The following TPCN1 variants were observed in gnomAD, a reference collection of about 807,000 sequenced individuals.
The protein encoded by TPCN1 is two pore segment channel 1, also known as two pore channel protein 1.
Under a neutral mutation model 108.8 loss-of-function variants are expected in TPCN1, and 52 were observed. The ratio of observed to expected loss-of-function variants is 0.48; its 90% CI spans 0.38 to 0.60. The LOEUF is 0.60. TPCN1 is among the 20% of genes least tolerant of loss of function. The pLI, the probability that TPCN1 is intolerant of heterozygous loss-of-function variation, is 0.00. For synonymous variants in TPCN1, 446 were observed against 433.7 expected, an observed-to-expected ratio of 1.03 and a Z score of -0.35; for missense variants, 806 against 1,072.8, an observed-to-expected ratio of 0.75 and a Z score of 3.47.
chr12:113,226,696 T>G (rs749655059), intron 1 of TPCN1, 32 bp from the exon 2 acceptor site: 2 of 1,450,024 alleles, frequency 1.4e-6, no homozygotes, highest in South Asian at 1.3e-5. Context: ...TTTTAATAAT[T>G]ATCTTTTATT....
chr12:113,233,331 C>T (rs1464310665), intron 2 of TPCN1, among the ~76,000 whole-genome samples: 3 of 152,218 alleles, frequency 2.0e-5, no homozygotes, highest in South Asian at 2.1e-4. Context: ...CCTCTGAGAG[C>T]GCTTCATGAG....
Position 113,272,587 on chromosome 12 carries a change from A to T in TPCN1, c.749-71A>T, listed in dbSNP as rs1955539424. Reference sequence around the variant, plus strand: ...TGCGTTCATTTGCATGTATTTGTCCAGTCCTTTTGACACCAGGTTTTGGGA... The same window carrying T: ...TGCGTTCATTTGCATGTATTTGTCCTGTCCTTTTGACACCAGGTTTTGGGA... On this transcript the variant is annotated intron_variant, in intron 7 of 27. Coordinates refer to ENST00000335509, the MANE Select transcript of TPCN1 (RefSeq NM_017901.6). The surrounding 1 kb of genome is among the most constrained non-coding windows in gnomAD (Gnocchi z 4.1). 2.9e-6 allele frequency: 4 copies of T among 1,397,968 alleles called. No homozygotes were observed. The highest frequency in any genetic ancestry group is 4.1e-6 in the Non-Finnish European group (4 of 983,034). 86.6% of individuals were successfully genotyped at this position (1,397,968 alleles called of 1,614,324 possible). A position where few individuals can be genotyped will look rare whatever the true frequency, so the allele number is the denominator to read the frequency against.
chr12:113,244,017 A>G (rs1336587605), intron 2 of TPCN1, among the ~76,000 whole-genome samples: 2 of 151,948 alleles, frequency 1.3e-5, no homozygotes, highest in Non-Finnish European at 2.9e-5. Flanking sequence ...CATGTCTTTC[A>G]CACTCCATTT....
At position 113,268,279 on chromosome 12, in the gene TPCN1, T is replaced by C. The variant is rs1343277706; in HGVS notation, c.528+323T>C. On this transcript the variant is annotated intron_variant, in intron 5 of 27. Coordinates refer to ENST00000335509, the MANE Select transcript of TPCN1 (RefSeq NM_017901.6). The surrounding 1 kb of genome is among the most constrained non-coding windows in gnomAD (Gnocchi z 7.3). ...CCCAGCTCTGCCCACTGCGCCCGGC[T>C]CACCTGTCCCTAGTGTTGCGCATAT... Among the ~76,000 whole-genome samples the C allele has an allele frequency of 6.6e-6, 1 of 152,196 alleles. No individual in the cohort carries two copies. The highest frequency in any genetic ancestry group is 1.5e-5 in the Non-Finnish European group (1 of 68,034).
intron 10 of TPCN1, among the ~76,000 whole-genome samples, chr12:113,276,418 C>A (rs1164668336): frequency 6.6e-6 from 1 of 152,106 alleles, no homozygotes; most frequent in Non-Finnish European, 1.5e-5. Context: ...TTTCCTGGGC[C>A]ACACGTGAAG....
intron 19 of TPCN1, 122 bp downstream of exon 19, chr12:113,287,216 C>T (rs1002563982): frequency 2.5e-6 from 2 of 790,164 alleles, no homozygotes; most frequent in African/African-American, 1.7e-5. Context: ...TCACAGATGT[C>T]ACCCCCTGGA....
Position 113,265,628 on chromosome 12 carries a change from C to G in TPCN1, c.238-552C>G, listed in dbSNP as rs574316344. The stretch of plus-strand genomic sequence containing the variant: ...GTGGCACGATCTTGGCTCACTGCAG[C>G]TTTGACCTCCCGGGCTCAAGTGATT... On this transcript the variant is annotated intron_variant, in intron 3 of 27. Coordinates refer to ENST00000335509, the MANE Select transcript of TPCN1 (RefSeq NM_017901.6). Among the ~76,000 whole-genome samples the G allele has an allele frequency of 1.2e-3, 178 of 151,144 alleles. 1 individual carries two copies. The highest frequency in any genetic ancestry group is 4.2e-3 in the African/African-American group (173 of 41,132).
chr12:113,260,588 C>T, intron 3 of TPCN1, 96 bp downstream of exon 3: 1 of 1,442,556 alleles, frequency 6.9e-7, no homozygotes, highest in Non-Finnish European at 9.3e-7. Flanking sequence ...TCAGTTCCAG[C>T]ATCAGTTCAT....
rs1426677410 is a variant in TPCN1, at chr12:113,272,370, C to G, written c.749-288C>G. ...TTTGTTTGGTCTGAAAACTTTGAGCCAGCATTTTAAAATTAGATTTTACAC... is the reference window on the plus strand; with the variant it reads ...TTTGTTTGGTCTGAAAACTTTGAGCGAGCATTTTAAAATTAGATTTTACAC... On this transcript the variant is annotated intron_variant, in intron 7 of 27. Transcript: ENST00000335509. The surrounding 1 kb of genome is among the most constrained non-coding windows in gnomAD (Gnocchi z 4.1). 6.6e-6 allele frequency among the ~76,000 whole-genome samples: 1 copy of G among 152,208 alleles called. No individual in the cohort carries two copies. Among genetic ancestry groups the G allele is most frequent in the Non-Finnish European group, 1.5e-5 (1 of 68,042 alleles).
chr12:113,290,509 G>A (rs1956232616), intron 22 of TPCN1, among the ~76,000 whole-genome samples: 1 of 152,160 alleles, frequency 6.6e-6, no homozygotes, highest in Non-Finnish European at 1.5e-5. Context: ...TAGCTGGGCG[G>A]GGTCCCCTCA....
rs928217641 is a variant in TPCN1, at chr12:113,232,923, C to A, written c.112+5959C>A. Among the ~76,000 whole-genome samples the A allele has an allele frequency of 1.3e-5, 2 of 152,180 alleles. No individual in the cohort carries two copies. The highest frequency in any genetic ancestry group is 4.8e-5 in the African/African-American group (2 of 41,440). ...GACGCCTCCGTGTAGCAGCTGGAGACCAAGCAGCAATTAGATTTTCACAGG... is the reference window on the plus strand; with the variant it reads ...GACGCCTCCGTGTAGCAGCTGGAGAACAAGCAGCAATTAGATTTTCACAGG... On this transcript the variant is annotated intron_variant, in intron 2 of 27. Transcript: ENST00000335509. The surrounding 1 kb of genome is among the most constrained non-coding windows in gnomAD (Gnocchi z 5.6).
At chr12:113,280,548 T>C (rs1955852102) in intron 15 of TPCN1, among the ~76,000 whole-genome samples, 2 of 152,206 alleles carry the variant, frequency 1.3e-5, no homozygotes, top group African/African-American at 4.8e-5. Flanking sequence ...TGTATGTTCC[T>C]CTGTTGCCTT....
intron 2 of TPCN1, among the ~76,000 whole-genome samples, chr12:113,237,997 T>A (rs1183994710): frequency 2.0e-5 from 3 of 152,210 alleles, no homozygotes; most frequent in African/African-American, 7.2e-5. Flanking sequence ...AAGTTCCTGC[T>A]TTGTTCCAGT....
intron 15 of TPCN1, among the ~76,000 whole-genome samples, chr12:113,282,087 A>ATTT (rs1247829773): frequency 0.042 from 3,877 of 91,950 alleles, 128 homozygotes; most frequent in Non-Finnish European, 0.056. Context: ...CACCCGGCTA[A>ATTT]TTTTTTTTTT....
At chr12:113,260,830 T>G (rs1193625035) in intron 3 of TPCN1, among the ~76,000 whole-genome samples, 3 of 152,196 alleles carry the variant, frequency 2.0e-5, no homozygotes, top group African/African-American at 7.2e-5. Context: ...CTGAATGCGG[T>G]AGCTTTATTC....
chr12:113,285,781 CT>C, intron 17 of TPCN1, 107 bp from the exon 18 acceptor site: 1 of 969,446 alleles, frequency 1.0e-6, no homozygotes, highest in Admixed American at 1.8e-5. Context: ...GCCTGGAGGG[CT>C]TATGGCCAGC....
In TPCN1 at chr12:113,231,465, A is replaced by G. The variant is rs76745325; in HGVS notation, c.112+4501A>G. Among the ~76,000 whole-genome samples, 441 of 152,166 alleles carry G rather than the reference A, an allele frequency of 2.9e-3. 2 individuals are homozygous for G. Among genetic ancestry groups the G allele is most frequent in the Admixed American group, 4.3e-3 (66 of 15,288 alleles). On this transcript the variant is annotated intron_variant, in intron 2 of 27. Coordinates refer to ENST00000335509, the MANE Select transcript of TPCN1 (RefSeq NM_017901.6). The surrounding 1 kb of genome is among the most constrained non-coding windows in gnomAD (Gnocchi z 4.3). ...CATATGACCTTGTTTTACCTTAATC[A>G]CCTTTAAAGGCCCTTTCTCCAAAGA...
In TPCN1 at chr12:113,295,921, G is replaced by A. The variant is rs752636408; in HGVS notation, c.2335-39G>A. On this transcript the variant is annotated intron_variant, in intron 27 of 27. Coordinates refer to ENST00000335509, the MANE Select transcript of TPCN1 (RefSeq NM_017901.6). Reference sequence around the variant, plus strand: ...TGTGGGGTGGGCGGGGCAGGGGGTGGGGTGCAGCCCTCAGCACCCCTTCTG... The same window carrying A: ...TGTGGGGTGGGCGGGGCAGGGGGTGAGGTGCAGCCCTCAGCACCCCTTCTG... 1.1e-5 allele frequency: 17 copies of A among 1,531,278 alleles called. No individual in the cohort carries two copies. The Admixed American group carries it at 3.0e-4, about 27-fold the overall frequency. The allele number at this position is 1,531,278 out of a possible 1,614,324, so 94.9% of individuals were successfully genotyped here. A position where few individuals can be genotyped will look rare whatever the true frequency, so the allele number is the denominator to read the frequency against.
At chr12:113,234,565 G>A (rs899036565) in intron 2 of TPCN1, among the ~76,000 whole-genome samples, 6 of 152,174 alleles carry the variant, frequency 3.9e-5, no homozygotes, top group Admixed American at 6.5e-5. Flanking sequence ...CTTTTGTACC[G>A]GGTACCCTTT....
Sources: allele counts gnomAD v4.1 joint callset (sites outside exome capture counted in the v4.1 genomes callset), GRCh38; gene constraint gnomAD v4.1.1; non-coding constraint Gnocchi (gnomAD v3.1); transcripts MANE v1.5; gene names NCBI Gene and HGNC (gene_info 2026-07-23, HGNC 2026-07-21).